The following SULF2 variants were observed in gnomAD, a reference collection of about 807,000 sequenced individuals.
SULF2 encodes the protein sulfatase 2.
Under a neutral mutation model 107.7 loss-of-function variants are expected in SULF2, and 52 were observed. The observed-to-expected ratio is 0.48, with a 90% CI of 0.39 to 0.61. The LOEUF (loss-of-function observed/expected upper bound fraction) is 0.61, where lower values mean the gene tolerates loss of function less well. Ranked by LOEUF, SULF2 falls within the 20% of genes least tolerant of loss-of-function variation. The pLI, the probability that SULF2 is intolerant of heterozygous loss-of-function variation, is 0.00. For missense variants in SULF2, 993 were observed against 1,177.3 expected (o/e 0.84, Z 2.29); for synonymous variants, 460 against 464.3 (o/e 0.99, Z 0.12).
intron 5 of SULF2, among the ~76,000 whole-genome samples, chr20:47,687,889 T>G (rs2088064968): frequency 6.6e-6 from 1 of 152,116 alleles, no homozygotes; most frequent in Non-Finnish European, 1.5e-5. Context: ...AAATTTTCTG[T>G]AGAGACAGAG....
rs562836733 is a variant in SULF2 at position 47,715,391 on chromosome 20, C to G, written c.416-12721G>C. ...TAGTTTTTATCACGTGCTTCTCCCA[C>G]CAGAGTACCAGCCCCATGAGGGCAG... On this transcript the variant is annotated intron_variant, in intron 3 of 20. Transcript: ENST00000688720. 2.0e-5 allele frequency among the ~76,000 whole-genome samples: 3 copies of G among 152,296 alleles called. No individual in the cohort carries two copies. The South Asian group carries it at 6.2e-4, about 32-fold the overall frequency.
chr20:47,677,516 C>T (rs760372843), intron 8 of SULF2, among the ~76,000 whole-genome samples: 11 of 152,138 alleles, frequency 7.2e-5, no homozygotes, highest in Non-Finnish European at 1.5e-4. Flanking sequence ...CAGCGTCAGG[C>T]GCAGTGGTTC....
Position 47,663,557 on chromosome 20 carries a change from C to T in SULF2, c.2123G>A (p.Arg708His), listed in dbSNP as rs571839175. 5.3e-5 allele frequency: 85 copies of T among 1,612,216 alleles called. No individual in the cohort carries two copies. The highest frequency in any genetic ancestry group is 3.3e-4 in the Middle Eastern group (2 of 6,054). ...LREQKRKKKL[R>H]KLLKRLQNND... The stretch of plus-strand genomic sequence containing the variant: ...GTTCTGCAGGCGCTTGAGCAGCTTG[C>T]GGAGTTTCTTCTTGCGCTTCTGCTC... Residue 708 changes from arginine to histidine, a missense_variant, in exon 16 of 21, where the codon CGC becomes CAC. By Grantham distance (29) the Arg-to-His change is conservative. Around this residue, in one of 3 missense-constraint regions of SULF2, gnomAD observed 497 missense variants for 544.1 expected, o/e 0.91. Transcript: ENST00000688720.
chr20:47,740,358 A>G (rs561422065), intron 2 of SULF2, among the ~76,000 whole-genome samples: 11 of 152,164 alleles, frequency 7.2e-5, no homozygotes, highest in Non-Finnish European at 1.0e-4. Flanking sequence ...GAGGAAGTGC[A>G]TAGAGGTCCC....
At chr20:47,738,859 AG>A (rs1210796537) in intron 2 of SULF2, among the ~76,000 whole-genome samples, 1 of 152,186 alleles carries the variant, frequency 6.6e-6, no homozygotes, top group Non-Finnish European at 1.5e-5. Context: ...GTGTCTTTGC[AG>A]ATGTAATTAA....
At chr20:47,727,242 A>C (rs1476254719) in intron 3 of SULF2, among the ~76,000 whole-genome samples, 1 of 152,196 alleles carries the variant, frequency 6.6e-6, no homozygotes, top group Non-Finnish European at 1.5e-5. Flanking sequence ...GTGTCCTGAC[A>C]GAAGAGGGAA....
intron 2 of SULF2, among the ~76,000 whole-genome samples, chr20:47,743,708 C>T (rs1346770716): frequency 1.3e-5 from 2 of 152,170 alleles, no homozygotes; most frequent in Non-Finnish European, 2.9e-5. Context: ...AATCAAAGTC[C>T]TCCCTCTGTC....
intron 1 of SULF2, among the ~76,000 whole-genome samples, chr20:47,765,494 G>A (rs1442390028): frequency 2.0e-5 from 3 of 152,000 alleles, no homozygotes; most frequent in Non-Finnish European, 4.4e-5. Context: ...ATGAGAGGAG[G>A]GAAGAAAGGA....
In SULF2 at chr20:47,680,716, G is replaced by A. The variant is rs142841172; in HGVS notation, c.1065-1912C>T. Among the ~76,000 whole-genome samples, 384 of 152,328 alleles carry A rather than the reference G, an allele frequency of 2.5e-3. 3 individuals are homozygous for A. The highest frequency in any genetic ancestry group is 3.4e-3 in the Non-Finnish European group (234 of 68,016). ...AGGCGCTACAACTGAATCCAGAGGCGAGGGAGCTGGGAAGACTGCTGAGCG... is the reference window on the plus strand; with the variant it reads ...AGGCGCTACAACTGAATCCAGAGGCAAGGGAGCTGGGAAGACTGCTGAGCG... On this transcript the variant is annotated intron_variant, in intron 7 of 20. Coordinates refer to ENST00000688720, the MANE Select transcript of SULF2 (RefSeq NM_001387048.1). This position sits in a 1 kb window ranked among gnomAD's most constrained non-coding sequence, Gnocchi z 4.2.
At chr20:47,774,225 C>T (rs1189810405) in intron 1 of SULF2, among the ~76,000 whole-genome samples, 10 of 152,212 alleles carry the variant, frequency 6.6e-5, no homozygotes, top group Admixed American at 6.5e-4. Context: ...GGAAATAGAC[C>T]GGCAAGTGGG....
At chr20:47,671,745 C>T (rs527745177) in intron 11 of SULF2, among the ~76,000 whole-genome samples, 3 of 152,240 alleles carry the variant, frequency 2.0e-5, no homozygotes, top group South Asian at 2.1e-4. Flanking sequence ...AGATGGATCT[C>T]GCTCTGTTGC....
intron 2 of SULF2, among the ~76,000 whole-genome samples, chr20:47,746,609 G>C (rs1299295658): frequency 6.6e-6 from 1 of 152,170 alleles, no homozygotes; most frequent in Non-Finnish European, 1.5e-5. Flanking sequence ...AGAGGGGAGA[G>C]AAAGGCCTGG....
intron 4 of SULF2, among the ~76,000 whole-genome samples, chr20:47,695,593 G>A (rs1435170465): frequency 6.6e-6 from 1 of 152,182 alleles, no homozygotes; most frequent in African/African-American, 2.4e-5. Context: ...GTTCATCCAT[G>A]TTGCTGCATA....
At chr20:47,707,812 T>C (rs1183621028) in intron 3 of SULF2, among the ~76,000 whole-genome samples, 1 of 152,230 alleles carries the variant, frequency 6.6e-6, no homozygotes, top group African/African-American at 2.4e-5. Context: ...TCTTATTACC[T>C]GCGTTTTTGT....
At chr20:47,710,409 C>T (rs913443651) in intron 3 of SULF2, among the ~76,000 whole-genome samples, 3 of 151,748 alleles carry the variant, frequency 2.0e-5, no homozygotes, top group African/African-American at 4.9e-5. Context: ...GTGTTACCAC[C>T]GCCTACAGGA....
chr20:47,675,789 C>T (rs979489114), intron 10 of SULF2, among the ~76,000 whole-genome samples: 1 of 146,892 alleles, frequency 6.8e-6, no homozygotes, highest in Non-Finnish European at 1.5e-5. Flanking sequence ...CCTGGCTTTC[C>T]AGCCTCAGAA....
chr20:47,781,240 C>T (rs139292571), intron 1 of SULF2, among the ~76,000 whole-genome samples: 1 of 152,380 alleles, frequency 6.6e-6, no homozygotes, highest in East Asian at 1.9e-4. Context: ...TCCACCTTGG[C>T]CAAAATGAAG....
At chr20:47,688,238 G>A (rs920434242) in intron 5 of SULF2, among the ~76,000 whole-genome samples, 2 of 152,118 alleles carry the variant, frequency 1.3e-5, no homozygotes, top group Admixed American at 1.3e-4. Flanking sequence ...CTTCTTGACT[G>A]TCATCATTTA....
At chr20:47,677,372 A>G (rs1446225862) in intron 8 of SULF2, among the ~76,000 whole-genome samples, 1 of 151,900 alleles carries the variant, frequency 6.6e-6, no homozygotes, top group South Asian at 2.1e-4. Context: ...GACCCAGGTC[A>G]AAATCACTGT....
Sources: allele counts gnomAD v4.1 joint callset (sites outside exome capture counted in the v4.1 genomes callset), GRCh38; gene constraint gnomAD v4.1.1; regional missense constraint gnomAD v4.1.1; non-coding constraint Gnocchi (gnomAD v3.1); transcripts MANE v1.5; gene names NCBI Gene and HGNC (gene_info 2026-07-23, HGNC 2026-07-21).